Variants in SUGP1 observed in about 807,000 individuals in gnomAD.
The protein encoded by SUGP1 is SURP and G-patch domain-containing protein 1.
In SUGP1, 34 loss-of-function variants were observed where a neutral mutation model predicts 76.5. That is an observed-to-expected ratio of 0.44 (90% CI 0.34 to 0.59). SUGP1 has a LOEUF of 0.59. SUGP1 is among the 20% of genes least tolerant of loss of function. SUGP1 has a pLI of 0.01. For synonymous variants in SUGP1, 326 were observed against 326.2 expected, an observed-to-expected ratio of 1.00 and a Z score of 0.01; for missense variants, 752 against 851.7, an observed-to-expected ratio of 0.88 and a Z score of 1.46.
In SUGP1 at chr19:19,297,196, A is replaced by G. The variant is rs368177566; in HGVS notation, c.1036T>C (p.Ser346Pro). The change falls in exon 8 of 14, where the codon TCC becomes CCC. Residue 346 changes from serine (S) to proline (P), a missense_variant. Transcript: ENST00000247001. ...RKSPPEALSG[S>P]LPPATTCPAS... ...GGGCAGGTGGTGGCTGGGGGTAAGG[A>G]CCCTGACAGGGCCTCAGGAGGGGAC... is the stretch of plus-strand genomic sequence containing the variant. 27 of 1,606,806 alleles carry G rather than the reference A, an allele frequency of 1.7e-5. No homozygotes were observed. In the African/African-American group the frequency reaches 3.2e-4, roughly 19 times the overall value.
At chr19:19,303,985 T>G (rs779040189) in intron 4 of SUGP1, 138 bp from the exon 5 acceptor site, 15 of 1,595,034 alleles carry the variant, frequency 9.4e-6, no homozygotes, top group Non-Finnish European at 1.3e-5. Context: ...GCGTCCCGAG[T>G]CCAGGCACAA....
intron 8 of SUGP1, among the ~76,000 whole-genome samples, chr19:19,296,717 G>A (rs527262845): frequency 6.6e-6 from 1 of 152,048 alleles, no homozygotes; most frequent in Admixed American, 6.6e-5. Context: ...TCCACACCTA[G>A]GTATACCGAC....
At chr19:19,311,894 C>A (rs1454361628) in intron 2 of SUGP1, among the ~76,000 whole-genome samples, 1 of 152,160 alleles carries the variant, frequency 6.6e-6, no homozygotes, top group Non-Finnish European at 1.5e-5. Context: ...AGGAGAATCA[C>A]TTGAGCCCAG....
At chr19:19,298,136 G>C (rs2061243567) in intron 7 of SUGP1, among the ~76,000 whole-genome samples, 1 of 152,240 alleles carries the variant, frequency 6.6e-6, no homozygotes, top group African/African-American at 2.4e-5. Flanking sequence ...TGAATCTGGA[G>C]GGATGGTCAT....
At chr19:19,308,606 C>A (rs940084835) in intron 3 of SUGP1, among the ~76,000 whole-genome samples, 1 of 152,270 alleles carries the variant, frequency 6.6e-6, no homozygotes, top group Non-Finnish European at 1.5e-5. Flanking sequence ...GGCCCCAGAA[C>A]CTATTGTTCT....
At chr19:19,296,782 G>A (rs901328007) in intron 8 of SUGP1, among the ~76,000 whole-genome samples, 9 of 152,212 alleles carry the variant, frequency 5.9e-5, no homozygotes, top group African/African-American at 2.2e-4. Flanking sequence ...CAACAGCCAA[G>A]CAGTGTAAAC....
intron 2 of SUGP1, among the ~76,000 whole-genome samples, chr19:19,314,354 TA>T (rs967012272): frequency 2.0e-5 from 3 of 151,242 alleles, no homozygotes; most frequent in East Asian, 1.9e-4. Context: ...TAAATAAAAT[TA>T]AAAAAAACAG....
At chr19:19,278,931 C>T in intron 10 of SUGP1, 135 bp from the exon 11 acceptor site, 3 of 903,216 alleles carry the variant, frequency 3.3e-6, no homozygotes, top group Non-Finnish European at 5.1e-6. Context: ...TAGGCCATGA[C>T]CCCAGCCCGA....
intron 1 of SUGP1, among the ~76,000 whole-genome samples, chr19:19,317,404 T>A (rs1245225756): frequency 6.6e-6 from 1 of 152,068 alleles, no homozygotes; most frequent in Non-Finnish European, 1.5e-5. Flanking sequence ...AAGTGCCCAG[T>A]GTCAGAGGGG....
chr19:19,295,304 C>T (rs908468363), intron 8 of SUGP1, among the ~76,000 whole-genome samples: 6 of 151,440 alleles, frequency 4.0e-5, no homozygotes, highest in Admixed American at 1.3e-4. Context: ...CAGGAGAATT[C>T]GCTTGAACCT....
chr19:19,282,317 G>A (rs2061104953), intron 8 of SUGP1, among the ~76,000 whole-genome samples: 1 of 151,222 alleles, frequency 6.6e-6, no homozygotes, highest in Admixed American at 6.6e-5. Context: ...TCCAAGTACT[G>A]GCCGGGAGTG....
At chr19:19,285,923 A>T (rs1214401426) in intron 8 of SUGP1, among the ~76,000 whole-genome samples, 2 of 152,164 alleles carry the variant, frequency 1.3e-5, no homozygotes, top group East Asian at 3.9e-4. Flanking sequence ...AGTTGGGTTT[A>T]TGATCGGGGC....
chr19:19,283,816 A>G (rs1296994477), intron 8 of SUGP1, among the ~76,000 whole-genome samples: 3 of 152,034 alleles, frequency 2.0e-5, no homozygotes, highest in Admixed American at 2.0e-4. Context: ...TCGAACTCCA[A>G]CCTTGTGATC....
At chr19:19,311,726 C>CAAAAA (rs55707664) in intron 2 of SUGP1, among the ~76,000 whole-genome samples, 96 of 76,714 alleles carry the variant, frequency 1.3e-3, no homozygotes, top group Non-Finnish European at 1.7e-3. Context: ...GACTCTGTCT[C>CAAAAA]AAAAAAAAAA....
chr19:19,293,573 T>C (rs964719105), intron 8 of SUGP1, among the ~76,000 whole-genome samples: 4 of 123,480 alleles, frequency 3.2e-5, no homozygotes, highest in Admixed American at 1.6e-4. Flanking sequence ...AGAAAGACTC[T>C]GTCTCAAAAA....
rs2061143063 is a variant in SUGP1 at position 19,286,747 on chromosome 19, T to TA, written c.1244-6457dup. Among the ~76,000 whole-genome samples, 4 of 151,768 alleles carry TA rather than the reference T, an allele frequency of 2.6e-5. No individual in the cohort carries two copies. In the South Asian group the frequency reaches 8.3e-4, roughly 32 times the overall value. ...AAAAAATAAAAATTAAATAAAAATT[T>TA]AAAAAAATAGGTCTGGCCAGGCGCA... On this transcript the variant is annotated intron_variant, in intron 8 of 13. Transcript: ENST00000247001.
rs111803208 is a variant in SUGP1 at position 19,276,298 on chromosome 19, G to A, written c.*350C>T. ...ACTCCTGACCTCCAGTGATCCGCCCGCCTTGGCCTCTCAAAGTGCTGGGAT... is the reference window on the plus strand; with the variant it reads ...ACTCCTGACCTCCAGTGATCCGCCCACCTTGGCCTCTCAAAGTGCTGGGAT... On this transcript the variant is annotated 3_prime_UTR_variant, in exon 14 of 14. Coordinates refer to ENST00000247001, the MANE Select transcript of SUGP1 (RefSeq NM_172231.4). The A allele has an allele frequency of 1.1e-4, 26 of 242,350 alleles. 1 individual carries two copies. The highest frequency in any genetic ancestry group is 5.4e-4 in the African/African-American group (24 of 44,562). The allele number at this position is 242,350 out of a possible 1,614,324, so 15.0% of individuals were successfully genotyped here.
At chr19:19,284,157 AC>A (rs2061121814) in intron 8 of SUGP1, among the ~76,000 whole-genome samples, 1 of 152,150 alleles carries the variant, frequency 6.6e-6, no homozygotes, top group Admixed American at 6.6e-5. Context: ...AAAAATTGCC[AC>A]TAGTCAAGTG....
intron 8 of SUGP1, among the ~76,000 whole-genome samples, chr19:19,282,843 C>T (rs1425419198): frequency 6.6e-6 from 1 of 152,096 alleles, no homozygotes; most frequent in Non-Finnish European, 1.5e-5. Flanking sequence ...TTTGGGAGGC[C>T]AAGGTGGGCG....
Sources: gnomAD v4.1 joint callset for allele counts (sites outside exome capture counted in the v4.1 genomes callset) on GRCh38, gnomAD v4.1.1 for gene constraint, MANE v1.5 for transcripts, NCBI Gene and HGNC (gene_info 2026-07-23, HGNC 2026-07-21) for gene names.